The following DRG2 variants were observed in gnomAD, a reference collection of about 807,000 sequenced individuals.
DRG2 encodes developmentally regulated GTP binding protein 2, also known as developmentally-regulated GTP-binding protein 2.
In DRG2, 36 loss-of-function variants were observed where a neutral mutation model predicts 53.4. That is an observed-to-expected ratio of 0.67 (90% CI 0.52 to 0.89). The LOEUF is 0.89. DRG2 is among the 40% of genes least tolerant of loss of function. The pLI is 0.00. For synonymous variants in DRG2, 167 were observed against 192.1 expected (o/e 0.87, Z 1.08); for missense variants, 342 against 481.2 (o/e 0.71, Z 2.71).
Position 18,107,220 on chromosome 17 carries a change from A to G in DRG2, c.1075A>G (p.Ile359Val). Residue 359 changes from isoleucine (I) to valine (V), a missense_variant, in exon 13 of 13, where the codon ATC (isoleucine) becomes GTC (valine). Ile to Val is a conservative substitution (Grantham distance 29). Transcript: ENST00000225729. ...CCACACCATGGAGCATGAGGACGTC[A>G]TCCAGATCGTGAAGAAGTAACGGCG... The part of the protein sequence containing the change: ...LTHTMEHEDV[I>V]QIVKK 6.2e-7 allele frequency: 1 copy of G among 1,613,346 alleles called. No individual in the cohort carries two copies. The highest frequency in any genetic ancestry group is 8.5e-7 in the Non-Finnish European group (1 of 1,180,010).
intron 1 of DRG2, among the ~76,000 whole-genome samples, chr17:18,090,485 C>T (rs1272573460): frequency 4.6e-5 from 6 of 130,246 alleles, no homozygotes; most frequent in East Asian, 2.4e-4. Flanking sequence ...GGTGCAATCT[C>T]GGCTCACCGC....
Position 18,098,254 on chromosome 17 carries a change from T to G in DRG2, c.226-16T>G. On this transcript the variant is annotated splice_polypyrimidine_tract_variant and intron_variant, in intron 2 of 12. Coordinates refer to ENST00000225729, the MANE Select transcript of DRG2 (RefSeq NM_001388.5). This position sits in a 1 kb window ranked among gnomAD's most constrained non-coding sequence, Gnocchi z 4.1. The stretch of plus-strand genomic sequence containing the variant: ...GGGACAAGGCTCCTCAGTGCAATGA[T>G]CTCCTTTTCTCCTAGTCCACATTCT... 1 of 1,611,154 alleles carries G rather than the reference T, an allele frequency of 6.2e-7. No homozygotes were observed. Among genetic ancestry groups the G allele is most frequent in the South Asian group, 1.1e-5 (1 of 90,952 alleles).
At chr17:18,104,831 G>A (rs1055853519) in intron 11 of DRG2, 150 bp downstream of exon 11, 16 of 1,347,284 alleles carry the variant, frequency 1.2e-5, no homozygotes, top group African/African-American at 1.5e-5. Flanking sequence ...ACAGCCTGGG[G>A]CTGCGTCTGC....
Position 18,103,939 on chromosome 17 carries a change from A to G in DRG2, c.895+50A>G. 1 of 1,586,204 alleles carries G rather than the reference A, an allele frequency of 6.3e-7. No individual in the cohort carries two copies. Among genetic ancestry groups the G allele is most frequent in the Non-Finnish European group, 8.7e-7 (1 of 1,155,552 alleles). ...AAAACAGGCTGAGCTTCATCCCTAG[A>G]AGGCTGCCAGGCCGGTGTGTGGTGC... On this transcript the variant is annotated intron_variant, in intron 10 of 12. Transcript: ENST00000225729. This position sits in a 1 kb window ranked among gnomAD's most constrained non-coding sequence, Gnocchi z 4.4.
intron 2 of DRG2, chr17:18,096,812 T>A (rs1459362004): frequency 6.6e-6 from 1 of 152,258 alleles, no homozygotes; most frequent in Non-Finnish European, 1.5e-5. Context: ...GAGCAGCTTC[T>A]AACTCAGTTC....
At chr17:18,094,066 T>A (rs761540381) in intron 2 of DRG2, 93 bp downstream of exon 2, 6 of 1,511,910 alleles carry the variant, frequency 4.0e-6, no homozygotes, top group Non-Finnish European at 5.4e-6. Flanking sequence ...GCCTTTCTGC[T>A]TAGCTCCAGG....
chr17:18,102,129 G>A (rs577964196), intron 9 of DRG2, 132 bp downstream of exon 9: 134 of 932,576 alleles, frequency 1.4e-4, no homozygotes, highest in Admixed American at 2.5e-4. Context: ...CAGCCGTCAC[G>A]GAGCCCAGGA....
chr17:18,104,830 G>T, intron 11 of DRG2, 149 bp downstream of exon 11: 2 of 1,340,652 alleles, frequency 1.5e-6, no homozygotes, highest in Non-Finnish European at 2.0e-6. Context: ...GACAGCCTGG[G>T]GCTGCGTCTG....
At chr17:18,091,702 C>G (rs987297325) in intron 1 of DRG2, among the ~76,000 whole-genome samples, 2 of 146,504 alleles carry the variant, frequency 1.4e-5, no homozygotes, top group East Asian at 4.1e-4. Context: ...ATTAAAAATA[C>G]AAAAAATTAG....
chr17:18,093,661 G>T, intron 1 of DRG2, 152 bp from the exon 2 acceptor site: 1 of 858,188 alleles, frequency 1.2e-6, no homozygotes, highest in Non-Finnish European at 1.8e-6. Context: ...AAGCCAAGGG[G>T]GCCTTTTAAG....
intron 2 of DRG2, chr17:18,097,035 G>A (rs986497565): frequency 2.6e-5 from 4 of 152,246 alleles, no homozygotes; most frequent in African/African-American, 7.2e-5. Flanking sequence ...CGTGACCCTT[G>A]AAGTCTGGGC....
Position 18,098,323 on chromosome 17 carries a change from G to A in DRG2, c.279G>A (p.Glu93=), listed in dbSNP as rs140290062. ...TSTASEAASY[E]FTTLTCIPGV... is the part of the protein sequence containing the mutation. ...CGGCCAGCGAGGCAGCGTCCTATGA[G>A]TTCACCACTCTGACGTGTATTCCTG... Residue 93 remains glutamate (E), a synonymous_variant, in exon 3 of 13, where the codon GAG becomes GAA. Coordinates refer to ENST00000225729, the MANE Select transcript of DRG2 (RefSeq NM_001388.5). The surrounding 1 kb of genome is among the most constrained non-coding windows in gnomAD (Gnocchi z 4.1). The A allele has an allele frequency of 7.4e-6, 12 of 1,613,964 alleles. No individual in the cohort carries two copies. In the African/African-American group the frequency reaches 1.3e-4, roughly 18 times the overall value.
intron 1 of DRG2, among the ~76,000 whole-genome samples, chr17:18,093,404 C>G (rs2045367910): frequency 6.6e-6 from 1 of 151,420 alleles, no homozygotes; most frequent in Non-Finnish European, 1.5e-5. Flanking sequence ...ACCACAACCT[C>G]TGCCTCCTGG....
At chr17:18,101,471 G>A in intron 7 of DRG2, 22 bp from the exon 8 acceptor site, 5 of 1,612,250 alleles carry the variant, frequency 3.1e-6, no homozygotes, top group Non-Finnish European at 4.2e-6. Flanking sequence ...TGCACAGGTT[G>A]CCCTTAATCG....
Position 18,099,172 on chromosome 17 carries a change from C to G in DRG2, c.376+95C>G. The G allele has an allele frequency of 6.6e-7, 1 of 1,509,638 alleles. No homozygotes were observed. The highest frequency in any genetic ancestry group is 9.1e-7 in the Non-Finnish European group (1 of 1,093,680). 93.5% of individuals were successfully genotyped at this position (1,509,638 alleles called of 1,614,324 possible). On this transcript the variant is annotated intron_variant, in intron 4 of 12. Coordinates refer to ENST00000225729, the MANE Select transcript of DRG2 (RefSeq NM_001388.5). The surrounding 1 kb of genome is among the most constrained non-coding windows in gnomAD (Gnocchi z 4.4). ...CTGTCATGGAGATCACTCTGGATCC[C>G]TGGTCCATTATCCCGCTTTCCAGAA...
At position 18,093,802 on chromosome 17, in the gene DRG2, C is replaced by G. The variant is rs773627157; in HGVS notation, c.65-11C>G. On this transcript the variant is annotated splice_polypyrimidine_tract_variant and intron_variant, in intron 1 of 12. Coordinates refer to ENST00000225729, the MANE Select transcript of DRG2 (RefSeq NM_001388.5). ...GGCCACTCATCTTCTGTCTTGCTTTCCATCCTTTAGCCACTGAGTATCATC... is the reference window on the plus strand; with the variant it reads ...GGCCACTCATCTTCTGTCTTGCTTTGCATCCTTTAGCCACTGAGTATCATC... The G allele has an allele frequency of 2.6e-5, 42 of 1,612,422 alleles. No individual in the cohort carries two copies. Among genetic ancestry groups the G allele is most frequent in the Non-Finnish European group, 3.5e-5 (41 of 1,178,912 alleles).
Position 18,099,828 on chromosome 17 carries a change from A to C in DRG2, c.467+105A>C. ...TGGGTGTTTGGCTCTCTCACACGTG[A>C]GAGTAGTGGTAGGACTTGTCACAGA... On this transcript the variant is annotated intron_variant, in intron 5 of 12. Transcript: ENST00000225729. This position sits in a 1 kb window ranked among gnomAD's most constrained non-coding sequence, Gnocchi z 4.4. The C allele has an allele frequency of 8.7e-7, 1 of 1,152,048 alleles. No homozygotes were observed. Among genetic ancestry groups the C allele is most frequent in the Non-Finnish European group, 1.3e-6 (1 of 797,248 alleles). 71.4% of individuals were successfully genotyped at this position (1,152,048 alleles called of 1,614,324 possible). A position where few individuals can be genotyped will look rare whatever the true frequency, so the allele number is the denominator to read the frequency against.
In DRG2 at chr17:18,107,252, G is replaced by C. The variant is rs753907126; in HGVS notation, c.*12G>C. On this transcript the variant is annotated 3_prime_UTR_variant, in exon 13 of 13. Coordinates refer to ENST00000225729, the MANE Select transcript of DRG2 (RefSeq NM_001388.5). ...TCGTGAAGAAGTAACGGCGCCTGCC[G>C]GGCCTCCCGCCCACCTGCCTCGTCT... The C allele has an allele frequency of 8.7e-6, 14 of 1,611,858 alleles. No homozygotes were observed. The highest frequency in any genetic ancestry group is 1.1e-5 in the Non-Finnish European group (13 of 1,179,808).
Position 18,099,451 on chromosome 17 carries a change from GATTTT to G in DRG2, c.377-181_377-177del, listed in dbSNP as rs2045488921. 2 of 687,814 alleles carry G rather than the reference GATTTT, an allele frequency of 2.9e-6. No homozygotes were observed. Among genetic ancestry groups the G allele is most frequent in the South Asian group, 3.5e-5 (2 of 57,702 alleles). The allele number at this position is 687,814 out of a possible 1,614,324, so 42.6% of individuals were successfully genotyped here. ...TACTCCTTTTATGATGGTGGTGTCG[GATTTT>G]CTTCTGAAATAAGTCTCCGTCAGTA... On this transcript the variant is annotated intron_variant, in intron 4 of 12. Coordinates refer to ENST00000225729, the MANE Select transcript of DRG2 (RefSeq NM_001388.5). The surrounding 1 kb of genome is among the most constrained non-coding windows in gnomAD (Gnocchi z 4.4).
Sources: gnomAD v4.1 joint callset for allele counts (sites outside exome capture counted in the v4.1 genomes callset) on GRCh38, gnomAD v4.1.1 for gene constraint, Gnocchi (gnomAD v3.1) non-coding constraint, MANE v1.5 for transcripts, NCBI Gene and HGNC (gene_info 2026-07-23, HGNC 2026-07-21) for gene names.